Variants in AGBL4 observed in about 807,000 individuals in gnomAD.
AGBL4 encodes the protein cytosolic carboxypeptidase 6.
A neutral mutation model predicts 66.4 loss-of-function variants in AGBL4; 58 were observed. The observed-to-expected ratio is 0.87, with a 90% CI of 0.71 to 1.09. The LOEUF (loss-of-function observed/expected upper bound fraction) is 1.09, where lower values mean the gene tolerates loss of function less well. Among genes scored for constraint, AGBL4 ranks in the 50% least tolerant of loss-of-function variants. AGBL4 has a pLI of 0.00. For synonymous variants in AGBL4, 234 were observed against 222.9 expected (o/e 1.05, Z -0.44); for missense variants, 579 against 631.0 (o/e 0.92, Z 0.88).
chr1:48,951,754 A>G (rs941001376), intron 5 of AGBL4, among the ~76,000 whole-genome samples: 10 of 152,148 alleles, frequency 6.6e-5, no homozygotes, highest in East Asian at 1.9e-4. Context: ...CACCCACCCT[A>G]TGGTATTTTA....
chr1:49,372,681 C>CTTTCTTTCTCTTTCTTTCTT, intron 3 of AGBL4, among the ~76,000 whole-genome samples: 1 of 108,144 alleles, frequency 9.2e-6, no homozygotes, highest in Admixed American at 1.0e-4. Context: ...CTTTCTTTCT[C>CTTTCTTTCTCTTTCTTTCTT]TTTCTTTCTC....
intron 3 of AGBL4, among the ~76,000 whole-genome samples, chr1:49,302,956 T>C (rs1161000872): frequency 6.6e-6 from 1 of 152,064 alleles, no homozygotes; most frequent in Non-Finnish European, 1.5e-5. Flanking sequence ...AGGATAATGG[T>C]TTCCAGTTCC....
rs531249662 is a variant in AGBL4 at position 49,880,858 on chromosome 1, C to T, written c.35-29340G>A. On this transcript the variant is annotated intron_variant, in intron 1 of 13. Coordinates refer to ENST00000371839, the MANE Select transcript of AGBL4 (RefSeq NM_032785.4). ...CCGAGCCAGGTGTGGGATATAGTCT[C>T]GTGGTGCGCCGTTTTTTAAGCCGGT... is the stretch of plus-strand genomic sequence containing the variant. Among the ~76,000 whole-genome samples the T allele has an allele frequency of 6.6e-5, 10 of 152,154 alleles. No homozygotes were observed. The South Asian group carries it at 1.7e-3, about 25-fold the overall frequency.
intron 5 of AGBL4, among the ~76,000 whole-genome samples, chr1:49,003,587 G>A (rs563726341): frequency 1.4e-4 from 21 of 152,260 alleles, no homozygotes; most frequent in East Asian, 1.9e-4. Flanking sequence ...TCAGGTAGGC[G>A]TGATCTCCCT....
At chr1:49,282,055 G>A (rs1367603932) in intron 3 of AGBL4, among the ~76,000 whole-genome samples, 5 of 152,064 alleles carry the variant, frequency 3.3e-5, no homozygotes, top group African/African-American at 9.7e-5. Flanking sequence ...TTAACCCCTG[G>A]CATCTGACTA....
chr1:49,042,330 G>C (rs905613779), intron 5 of AGBL4, among the ~76,000 whole-genome samples: 1 of 152,070 alleles, frequency 6.6e-6, no homozygotes, highest in African/African-American at 2.4e-5. Flanking sequence ...TAGAATTCAA[G>C]GTAATACAAG....
chr1:49,410,954 G>T (rs1296808821), intron 3 of AGBL4, among the ~76,000 whole-genome samples: 1 of 152,086 alleles, frequency 6.6e-6, no homozygotes, highest in Non-Finnish European at 1.5e-5. Flanking sequence ...TATTAGTCAG[G>T]GTTCTCCAGA....
intron 4 of AGBL4, among the ~76,000 whole-genome samples, chr1:49,108,314 A>C (rs1268452806): frequency 6.6e-6 from 1 of 152,238 alleles, no homozygotes; most frequent in African/African-American, 2.4e-5. Flanking sequence ...CCAGCGAATA[A>C]AACAGGAAAA....
chr1:49,531,750 T>C (rs1449683949), intron 3 of AGBL4, among the ~76,000 whole-genome samples: 1 of 152,110 alleles, frequency 6.6e-6, no homozygotes, highest in African/African-American at 2.4e-5. Context: ...AGAGCAGATC[T>C]TTAATTTGAA....
intron 3 of AGBL4, among the ~76,000 whole-genome samples, chr1:49,261,332 TA>T (rs1653141176): frequency 1.3e-5 from 2 of 152,086 alleles, no homozygotes; most frequent in South Asian, 4.1e-4. Flanking sequence ...GAGAAGGAAA[TA>T]AAGGGTATTC....
At chr1:49,291,796 C>T (rs1234810311) in intron 3 of AGBL4, among the ~76,000 whole-genome samples, 1 of 152,158 alleles carries the variant, frequency 6.6e-6, no homozygotes, top group Non-Finnish European at 1.5e-5. Context: ...GCTGGGGCTG[C>T]ACATTCCACA....
At chr1:49,156,900 G>C (rs1423852579) in intron 4 of AGBL4, among the ~76,000 whole-genome samples, 2 of 152,090 alleles carry the variant, frequency 1.3e-5, no homozygotes, top group Non-Finnish European at 2.9e-5. Flanking sequence ...ACAATCTTTA[G>C]AGCCAACTGA....
intron 5 of AGBL4, among the ~76,000 whole-genome samples, chr1:48,979,444 T>C (rs1659578420): frequency 1.3e-5 from 2 of 152,082 alleles, no homozygotes; most frequent in Admixed American, 1.3e-4. Flanking sequence ...GAGATAGACA[T>C]TGATGAAAAA....
intron 3 of AGBL4, among the ~76,000 whole-genome samples, chr1:49,364,437 T>C (rs1644203118): frequency 6.6e-6 from 1 of 152,196 alleles, no homozygotes; most frequent in East Asian, 1.9e-4. Context: ...CAACAAGTAC[T>C]TTAATTATCT....
At chr1:49,536,756 A>T (rs776891939) in intron 3 of AGBL4, among the ~76,000 whole-genome samples, 7 of 152,224 alleles carry the variant, frequency 4.6e-5, no homozygotes, top group Non-Finnish European at 8.8e-5. Context: ...CCACATATTT[A>T]CATCCAACTG....
chr1:49,644,035 A>G (rs11803906), intron 3 of AGBL4, among the ~76,000 whole-genome samples: 7,518 of 151,764 alleles, frequency 0.05, 567 homozygotes, highest in African/African-American at 0.16. Context: ...GACAGAATAT[A>G]TGACAAAAAT....
intron 4 of AGBL4, among the ~76,000 whole-genome samples, chr1:49,065,978 C>T (rs1644485037): frequency 6.6e-6 from 1 of 152,078 alleles, no homozygotes; most frequent in Non-Finnish European, 1.5e-5. Flanking sequence ...CTCCTTAAGC[C>T]TATCTTCTGT....
At chr1:49,739,723 C>T (rs1027709070) in intron 2 of AGBL4, among the ~76,000 whole-genome samples, 1 of 152,188 alleles carries the variant, frequency 6.6e-6, no homozygotes, top group African/African-American at 2.4e-5. Context: ...ACTCTACAAG[C>T]CAGAAGAGAG....
chr1:48,675,490 A>G (rs1359060949), intron 6 of AGBL4, among the ~76,000 whole-genome samples: 1 of 152,262 alleles, frequency 6.6e-6, no homozygotes. Context: ...CTGAAACAAA[A>G]GGACAATGTC....
Sources: allele counts gnomAD v4.1 joint callset (sites outside exome capture counted in the v4.1 genomes callset), GRCh38; gene constraint gnomAD v4.1.1; transcripts MANE v1.5; gene names NCBI Gene and HGNC (gene_info 2026-07-23, HGNC 2026-07-21).